ARHGEF10: variants seen among roughly 807,000 people sequenced by gnomAD.
ARHGEF10 encodes the protein Rho guanine nucleotide exchange factor 10.
ARHGEF10 carries 140 observed loss-of-function variants against 147.4 expected under a neutral mutation model. The ratio of observed to expected loss-of-function variants is 0.95; its 90% CI spans 0.83 to 1.09. The LOEUF is 1.09. ARHGEF10 is among the 50% of genes least tolerant of loss of function. The pLI is 0.00. For synonymous variants in ARHGEF10, 902 were observed against 695.8 expected, an observed-to-expected ratio of 1.30 and a Z score of -4.67; for missense variants, 2,222 against 1,752.7, an observed-to-expected ratio of 1.27 and a Z score of -4.78.
intron 2 of ARHGEF10, among the ~76,000 whole-genome samples, chr8:1,854,229 C>G (rs1041264125): frequency 6.6e-6 from 1 of 152,180 alleles, no homozygotes; most frequent in Non-Finnish European, 1.5e-5. Flanking sequence ...CCATGCTCAC[C>G]TCAGAGGGCG....
At position 1,905,566 on chromosome 8, in the gene ARHGEF10, T is replaced by A. The variant is rs980817316; in HGVS notation, c.1822-5T>A. ...TGGTCCCTGGGCTGTGTTTTGAATG[T>A]CCAGCTTCTCAGCAGTGGAAGCCGA... On this transcript the variant is annotated splice_region_variant and splice_polypyrimidine_tract_variant and intron_variant, in intron 16 of 28. Transcript: ENST00000349830. 4 of 1,614,194 alleles carry A rather than the reference T, an allele frequency of 2.5e-6. No homozygotes were observed. Among genetic ancestry groups the A allele is most frequent in the Non-Finnish European group, 3.4e-6 (4 of 1,180,040 alleles).
At position 1,914,237 on chromosome 8, in the gene ARHGEF10, C is replaced by T. The variant is rs371968878; in HGVS notation, c.2143+4767C>T. ...GAGAAGCGGAGCTGTATTTTTAAAA[C>T]GTGAAACGGTTCCTCATGAGGCTCC... On this transcript the variant is annotated intron_variant, in intron 18 of 28. Coordinates refer to ENST00000349830, the MANE Select transcript of ARHGEF10 (RefSeq NM_014629.4). Among the ~76,000 whole-genome samples the T allele has an allele frequency of 5.9e-5, 9 of 152,336 alleles. No individual in the cohort carries two copies. The South Asian group carries it at 6.2e-4, about 11-fold the overall frequency.
At chr8:1,839,695 CGGTGTGGGGACTGTCT>C (rs1803846673) in intron 1 of ARHGEF10, among the ~76,000 whole-genome samples, 1 of 81,788 alleles carries the variant, frequency 1.2e-5, no homozygotes, top group Non-Finnish European at 2.3e-5. Context: ...GGGGACTGTC[CGGTGTGGGGACTGTCT>C]GGTGTGGGGA....
intron 18 of ARHGEF10, among the ~76,000 whole-genome samples, chr8:1,918,998 T>C (rs545348851): frequency 2.0e-4 from 30 of 149,414 alleles, no homozygotes; most frequent in African/African-American, 7.4e-4. Flanking sequence ...GGAGCTGTTC[T>C]GTGGGTGATG....
chr8:1,924,184 C>CAAGGCGG (rs1812508828), intron 21 of ARHGEF10, among the ~76,000 whole-genome samples: 1 of 152,164 alleles, frequency 6.6e-6, no homozygotes. Context: ...GCCAGGTGCT[C>CAAGGCGG]AAGGCGGGCG....
At chr8:1,935,397 T>G (rs200798329) in intron 26 of ARHGEF10, among the ~76,000 whole-genome samples, 1 of 152,310 alleles carries the variant, frequency 6.6e-6, no homozygotes, top group East Asian at 1.9e-4. Context: ...TGTCCACCAC[T>G]ACAGCATCGC....
At chr8:1,911,930 C>T (rs988898961) in intron 18 of ARHGEF10, among the ~76,000 whole-genome samples, 1 of 152,232 alleles carries the variant, frequency 6.6e-6, no homozygotes, top group Non-Finnish European at 1.5e-5. Context: ...TGGTTTGTCA[C>T]TTCTAAATTA....
intron 16 of ARHGEF10, among the ~76,000 whole-genome samples, chr8:1,905,121 T>C (rs1810780550): frequency 6.6e-6 from 1 of 152,128 alleles, no homozygotes; most frequent in Non-Finnish European, 1.5e-5. Flanking sequence ...AGAGCGAGGC[T>C]TGGTCTCAGA....
At chr8:1,868,361 A>G (rs12541537) in intron 6 of ARHGEF10, among the ~76,000 whole-genome samples, 44,377 of 152,010 alleles carry the variant, frequency 0.29, 6,850 homozygotes, top group East Asian at 0.54. Context: ...GTCATATGTC[A>G]TAGTTTGGAC....
intron 5 of ARHGEF10, 93 bp downstream of exon 5, chr8:1,864,529 T>A: frequency 7.5e-7 from 1 of 1,334,534 alleles, no homozygotes; most frequent in South Asian, 1.2e-5. Context: ...CTGCCCGCCA[T>A]CCTCAGCTCT....
Position 1,858,168 on chromosome 8 carries a change from G to A in ARHGEF10, c.193+53G>A, listed in dbSNP as rs55847035. 0.14 allele frequency: 190,714 copies of A among 1,387,946 alleles called. 8,661 individuals carry two copies. Among genetic ancestry groups the A allele is most frequent in the Non-Finnish European group, 0.16 (163,571 of 1,040,554 alleles). 86.0% of individuals were successfully genotyped at this position (1,387,946 alleles called of 1,614,324 possible). On this transcript the variant is annotated intron_variant, in intron 3 of 28. Transcript: ENST00000349830. The stretch of plus-strand genomic sequence containing the variant: ...AGTCCCCAGGTGGGTCCCCAGGTGA[G>A]TCCCCAGGTGGGTCCCCATGTGAGT...
chr8:1,855,323 C>T (rs770551801), intron 2 of ARHGEF10, among the ~76,000 whole-genome samples: 6 of 152,044 alleles, frequency 3.9e-5, no homozygotes, highest in Admixed American at 2.0e-4. Flanking sequence ...ATTGTGTCAC[C>T]GTCTGGATGA....
intron 1 of ARHGEF10, among the ~76,000 whole-genome samples, chr8:1,838,644 G>A (rs1228717796): frequency 6.6e-6 from 1 of 152,268 alleles, no homozygotes; most frequent in Non-Finnish European, 1.5e-5. Flanking sequence ...GGTTTTGTCA[G>A]GGTCTCAGAG....
chr8:1,851,036 G>T (rs1334919370), intron 2 of ARHGEF10, among the ~76,000 whole-genome samples: 2 of 152,184 alleles, frequency 1.3e-5, no homozygotes, highest in African/African-American at 2.4e-5. Flanking sequence ...GGGGTTTGCG[G>T]GGGGGAGGGG....
At chr8:1,955,031 TCAC>T in intron 28 of ARHGEF10, among the ~76,000 whole-genome samples, 1 of 137,238 alleles carries the variant, frequency 7.3e-6, no homozygotes, top group Non-Finnish European at 1.6e-5. Context: ...AGGTGCACTC[TCAC>T]TGTTTTTCTG....
Position 1,882,266 on chromosome 8 carries a change from A to G in ARHGEF10, c.961-369A>G, listed in dbSNP as rs1354238967. Among the ~76,000 whole-genome samples the G allele has an allele frequency of 2.0e-5, 3 of 152,226 alleles. No individual in the cohort carries two copies. In the East Asian group the frequency reaches 5.8e-4, roughly 29 times the overall value. On this transcript the variant is annotated intron_variant, in intron 9 of 28. Transcript: ENST00000349830. Reference sequence around the variant, plus strand: ...AAGCCCCGGGGAGGTTAAAAGGCTGAACTGGAGCTGTGAGCGTCTGCAGTT... The same window carrying G: ...AAGCCCCGGGGAGGTTAAAAGGCTGGACTGGAGCTGTGAGCGTCTGCAGTT...
intron 13 of ARHGEF10, among the ~76,000 whole-genome samples, chr8:1,895,517 A>G (rs770164462): frequency 6.6e-6 from 1 of 152,186 alleles, no homozygotes; most frequent in African/African-American, 2.4e-5. Context: ...AATACCGTTT[A>G]TGGATCCTTA....
At chr8:1,832,901 CAGAG>C (rs1456795550) in intron 1 of ARHGEF10, among the ~76,000 whole-genome samples, 1 of 62,028 alleles carries the variant, frequency 1.6e-5, no homozygotes, top group African/African-American at 7.1e-5. Context: ...GACGCAGAGA[CAGAG>C]AGACAGACAG....
chr8:1,844,971 AAT>A (rs944045278), intron 2 of ARHGEF10, among the ~76,000 whole-genome samples: 40 of 152,238 alleles, frequency 2.6e-4, no homozygotes, highest in African/African-American at 9.2e-4. Flanking sequence ...TCTCTGCAAA[AAT>A]AATGATATGA....
Sources: allele counts gnomAD v4.1 joint callset (sites outside exome capture counted in the v4.1 genomes callset), GRCh38; gene constraint gnomAD v4.1.1; transcripts MANE v1.5; gene names NCBI Gene and HGNC (gene_info 2026-07-23, HGNC 2026-07-21).